MAGI2: variants seen among roughly 807,000 people sequenced by gnomAD.
MAGI2 encodes membrane associated guanylate kinase, WW and PDZ domain containing 2.
MAGI2 carries 35 observed loss-of-function variants against 133.3 expected under a neutral mutation model. That is an observed-to-expected ratio of 0.26 (90% confidence interval 0.20 to 0.35). The LOEUF is 0.35. Ranked by LOEUF, MAGI2 falls within the 10% of genes least tolerant of loss-of-function variation. MAGI2 has a pLI of 1.00. For synonymous variants in MAGI2, 729 were observed against 710.6 expected (o/e 1.03, Z -0.41); for missense variants, 1,636 against 1,863.4 (o/e 0.88, Z 2.25).
At chr7:78,700,017 A>C (rs1161844986) in intron 2 of MAGI2, among the ~76,000 whole-genome samples, 4 of 152,182 alleles carry the variant, frequency 2.6e-5, no homozygotes, top group Non-Finnish European at 5.9e-5. Flanking sequence ...TTATGAAGCA[A>C]ATCACTTGGA....
intron 6 of MAGI2, among the ~76,000 whole-genome samples, chr7:78,434,208 G>T (rs1044548726): frequency 2.0e-5 from 3 of 152,144 alleles, no homozygotes; most frequent in African/African-American, 7.2e-5. Flanking sequence ...AACAGTACTA[G>T]ATCAGAAACA....
rs573623279 is a variant in MAGI2 at position 78,131,353 on chromosome 7, T to C, written c.3203+1536A>G. ...GGACAATCAGACATTTACTTTTCTA[T>C]GAAAGCAAATGGGAAATCAGTAGAA... On this transcript the variant is annotated intron_variant, in intron 18 of 21. Coordinates refer to ENST00000354212, the MANE Select transcript of MAGI2 (RefSeq NM_012301.4). 1.6e-4 allele frequency among the ~76,000 whole-genome samples: 24 copies of C among 152,334 alleles called. No homozygotes were observed. The South Asian group carries it at 4.8e-3, about 30-fold the overall frequency.
rs79481753 is a variant in MAGI2, at chr7:79,378,335, T to G, written c.301+74685A>C. 4.2e-3 allele frequency among the ~76,000 whole-genome samples: 644 copies of G among 151,934 alleles called. 3 individuals are homozygous for G. The highest frequency in any genetic ancestry group is 0.014 in the African/African-American group (600 of 41,508). On this transcript the variant is annotated intron_variant, in intron 1 of 21. Transcript: ENST00000354212. ...TAACTGCTTCCCAATATTAACTCAT[T>G]TAATCCTTGTAAAACTTCTGTGAGG... is the stretch of plus-strand genomic sequence containing the variant.
intron 1 of MAGI2, among the ~76,000 whole-genome samples, chr7:79,304,766 T>C (rs1837656435): frequency 6.6e-6 from 1 of 152,154 alleles, no homozygotes; most frequent in African/African-American, 2.4e-5. Flanking sequence ...TATGGCCATC[T>C]CTTAGTGGGG....
chr7:78,598,733 C>T (rs901697654), intron 3 of MAGI2, among the ~76,000 whole-genome samples: 3 of 152,044 alleles, frequency 2.0e-5, no homozygotes, highest in Non-Finnish European at 2.9e-5. Flanking sequence ...CACTGGAAAC[C>T]GTAGACAGGT....
At chr7:78,109,536 G>T (rs1819142250) in intron 20 of MAGI2, among the ~76,000 whole-genome samples, 1 of 151,902 alleles carries the variant, frequency 6.6e-6, no homozygotes, top group Non-Finnish European at 1.5e-5. Context: ...GGAGGCTGAG[G>T]CAGGAGAATC....
chr7:79,061,223 G>C (rs1813696280), intron 1 of MAGI2, among the ~76,000 whole-genome samples: 1 of 151,784 alleles, frequency 6.6e-6, no homozygotes. Flanking sequence ...CTGAGAGCAA[G>C]ATTAAAATGC....
At chr7:79,452,773 A>G (rs1332216777) in intron 1 of MAGI2, 1 of 489,242 alleles carries the variant, frequency 2.0e-6, no homozygotes, top group Non-Finnish European at 3.6e-6. Context: ...CAGGCCGAGC[A>G]CCTTCCAAAG....
At chr7:79,383,537 T>G (rs1215155090) in intron 1 of MAGI2, among the ~76,000 whole-genome samples, 4 of 151,538 alleles carry the variant, frequency 2.6e-5, no homozygotes, top group Non-Finnish European at 4.4e-5. Flanking sequence ...TTGATCAATT[T>G]CTTAGTTATC....
chr7:78,309,855 C>G (rs182149627), intron 9 of MAGI2, among the ~76,000 whole-genome samples: 1 of 151,912 alleles, frequency 6.6e-6, no homozygotes, highest in African/African-American at 2.4e-5. Flanking sequence ...ATTAGGTTGA[C>G]ATTAATATTC....
At chr7:78,343,635 G>T in intron 9 of MAGI2, 143 bp downstream of exon 9, 1 of 522,152 alleles carries the variant, frequency 1.9e-6, no homozygotes, top group East Asian at 3.5e-5. Context: ...TTAAACTTAG[G>T]GGAAACATAA....
In MAGI2 at chr7:79,324,611, ATATATAT is replaced by A. The variant is rs1839488538; in HGVS notation, c.301+128402_301+128408del. ...ATATATAACAATATATATATAAAAAATATATATAATATATATATTATATATATATAAA... is the reference window on the plus strand; with the variant it reads ...ATATATAACAATATATATATAAAAAAAATATATATATTATATATATATAAA... On this transcript the variant is annotated intron_variant, in intron 1 of 21. Coordinates refer to ENST00000354212, the MANE Select transcript of MAGI2 (RefSeq NM_012301.4). Among the ~76,000 whole-genome samples the A allele has an allele frequency of 5.8e-4, 7 of 12,172 alleles. 1 individual carries two copies. Among genetic ancestry groups the A allele is most frequent in the Admixed American group, 1.6e-3 (1 of 608 alleles). 8.0% of individuals were successfully genotyped at this position (12,172 alleles called of 152,430 possible).
rs757511550 is a variant in MAGI2 at position 78,019,264 on chromosome 7, TAAG to T, written c.*48_*50del. ...AATTAAAACGCCGTGAGACGGAACCTAAGAAGAACTGCCTGCGCCGGGGCGGGC... is the reference window on the plus strand; with the variant it reads ...AATTAAAACGCCGTGAGACGGAACCTAAGAACTGCCTGCGCCGGGGCGGGC... On this transcript the variant is annotated 3_prime_UTR_variant, in exon 22 of 22. Coordinates refer to ENST00000354212, the MANE Select transcript of MAGI2 (RefSeq NM_012301.4). The T allele has an allele frequency of 9.5e-5, 150 of 1,570,738 alleles. No individual in the cohort carries two copies. The highest frequency in any genetic ancestry group is 3.3e-4 in the Middle Eastern group (2 of 6,008).
At chr7:78,543,316 G>A (rs1014532821) in intron 3 of MAGI2, among the ~76,000 whole-genome samples, 5 of 152,128 alleles carry the variant, frequency 3.3e-5, no homozygotes, top group Non-Finnish European at 5.9e-5. Flanking sequence ...GTTCAGCTCC[G>A]TAATGACATT....
At chr7:78,999,796 T>C (rs1806674239) in intron 2 of MAGI2, among the ~76,000 whole-genome samples, 1 of 152,218 alleles carries the variant, frequency 6.6e-6, no homozygotes. Context: ...AGACTTCCTT[T>C]CTTTTTGGTT....
chr7:78,093,976 G>A (rs1434167515), intron 20 of MAGI2, among the ~76,000 whole-genome samples: 2 of 152,160 alleles, frequency 1.3e-5, no homozygotes, highest in Non-Finnish European at 2.9e-5. Context: ...TCTATGGGCT[G>A]GAGGGAGCAG....
chr7:78,563,551 C>T (rs567638141), intron 3 of MAGI2, among the ~76,000 whole-genome samples: 1 of 152,298 alleles, frequency 6.6e-6, no homozygotes, highest in African/African-American at 2.4e-5. Flanking sequence ...GAGCTGAGGT[C>T]CTAAACAGAA....
In MAGI2 at chr7:79,015,266, G is replaced by A. The variant is rs116171864; in HGVS notation, c.302-8060C>T. ...GGACAGGAGTTCCAGGTCAGCCTGG[G>A]CAACACAGTAAGACCCCATCTCTAT... On this transcript the variant is annotated intron_variant, in intron 1 of 21. Transcript: ENST00000354212. 1.4e-3 allele frequency among the ~76,000 whole-genome samples: 215 copies of A among 151,908 alleles called. 1 individual carries two copies. The highest frequency in any genetic ancestry group is 4.8e-3 in the African/African-American group (200 of 41,412).
intron 3 of MAGI2, among the ~76,000 whole-genome samples, chr7:78,551,495 C>T (rs1027335420): frequency 1.3e-5 from 2 of 152,168 alleles, no homozygotes; most frequent in African/African-American, 4.8e-5. Flanking sequence ...AAATGTTCCT[C>T]TTTACACTTA....
Sources: allele counts gnomAD v4.1 joint callset (sites outside exome capture counted in the v4.1 genomes callset), GRCh38; gene constraint gnomAD v4.1.1; transcripts MANE v1.5; gene names NCBI Gene and HGNC (gene_info 2026-07-23, HGNC 2026-07-21).